Variants in KDM7A observed in about 807,000 individuals in gnomAD.
KDM7A encodes lysine-specific demethylase 7A.
KDM7A carries 28 observed loss-of-function variants against 114.8 expected under a neutral mutation model. That is an observed-to-expected ratio of 0.24 (90% confidence interval 0.18 to 0.33). The LOEUF is 0.33. KDM7A is among the 10% of genes least tolerant of loss of function. KDM7A has a pLI of 1.00. For synonymous variants in KDM7A, 423 were observed against 397.8 expected (o/e 1.06, Z -0.75); for missense variants, 942 against 1,142.5 (o/e 0.82, Z 2.53).
At chr7:140,139,515 TAAATC>T (rs1326788770) in intron 1 of KDM7A, among the ~76,000 whole-genome samples, 1 of 152,104 alleles carries the variant, frequency 6.6e-6, no homozygotes, top group Non-Finnish European at 1.5e-5. Context: ...AATCAAAAGA[TAAATC>T]ATATTAAAAT....
At position 140,100,663 on chromosome 7, in the gene KDM7A, T is replaced by TATATATATATATACAC. The variant is rs1818186460; in HGVS notation, c.1639-641_1639-640insGTGTATATATATATAT. 1.1e-3 allele frequency among the ~76,000 whole-genome samples: 43 copies of TATATATATATATACAC among 38,296 alleles called. 1 individual carries two copies. In the South Asian group the frequency reaches 0.012, roughly 11 times the overall value. 25.1% of individuals were successfully genotyped at this position (38,296 alleles called of 152,430 possible). ...CAATTTAAAATATTTTAAAAAGTTATATATATATATATATATACATATATA... is the reference window on the plus strand; with the variant it reads ...CAATTTAAAATATTTTAAAAAGTTATATATATATATATACACATATATATATATATATACATATATA... On this transcript the variant is annotated intron_variant, in intron 12 of 19. Coordinates refer to ENST00000397560, the MANE Select transcript of KDM7A (RefSeq NM_030647.2).
At position 140,135,861 on chromosome 7, in the gene KDM7A, G is replaced by A. The variant is rs1485052764; in HGVS notation, c.281-2205C>T. ...TCCTTACTAGTATTATATAAGAAGC[G>A]TATTTCATACCCCTGGGTTAACAAT... On this transcript the variant is annotated intron_variant, in intron 2 of 19. Coordinates refer to ENST00000397560, the MANE Select transcript of KDM7A (RefSeq NM_030647.2). Among the ~76,000 whole-genome samples the A allele has an allele frequency of 4.7e-4, 71 of 150,714 alleles. 1 individual carries two copies. Among genetic ancestry groups the A allele is most frequent in the Admixed American group, 4.4e-3 (66 of 15,132 alleles).
chr7:140,125,384 A>G (rs1231461359), intron 6 of KDM7A, among the ~76,000 whole-genome samples: 3 of 152,226 alleles, frequency 2.0e-5, no homozygotes, highest in Admixed American at 1.3e-4. Flanking sequence ...TAACCAACAC[A>G]GTAGCCATTA....
At chr7:140,151,243 G>A (rs564230530) in intron 1 of KDM7A, among the ~76,000 whole-genome samples, 7 of 152,274 alleles carry the variant, frequency 4.6e-5, no homozygotes, top group South Asian at 2.1e-4. Flanking sequence ...TGGCTAGTGC[G>A]ACACCAAATT....
chr7:140,175,730 G>A (rs1794696221), intron 1 of KDM7A, among the ~76,000 whole-genome samples: 1 of 152,072 alleles, frequency 6.6e-6, no homozygotes, highest in South Asian at 2.1e-4. Flanking sequence ...CAAACCCGGA[G>A]CGCGGCGGCG....
chr7:140,090,989 T>C lies in KDM7A; in HGVS notation c.*105A>G. ...CATTCTGTTCTTCGGGCAGTGTTCT[T>C]ACTATACACACAAACTGCTCCAGGC... On this transcript the variant is annotated 3_prime_UTR_variant, in exon 20 of 20. Transcript: ENST00000397560. 1 of 780,460 alleles carries C rather than the reference T, an allele frequency of 1.3e-6. No homozygotes were observed. The highest frequency in any genetic ancestry group is 2.3e-6 in the Non-Finnish European group (1 of 441,868). The allele number at this position is 780,460 out of a possible 1,614,324, so 48.3% of individuals were successfully genotyped here.
intron 3 of KDM7A, among the ~76,000 whole-genome samples, 188 bp downstream of exon 3, chr7:140,133,351 T>C (rs1818820095): frequency 6.6e-6 from 1 of 152,250 alleles, no homozygotes; most frequent in South Asian, 2.1e-4. Context: ...ATATGCTTAC[T>C]TACTGCTATT....
rs1817953534 is a variant in KDM7A at position 140,087,721 on chromosome 7, T to C, written c.*3373A>G. On this transcript the variant is annotated 3_prime_UTR_variant, in exon 20 of 20. Transcript: ENST00000397560. ...AACTTCGACAAAAGCCCAGGTCTTC[T>C]GCTTCCTTGCATGCTACACCAAGTC... 2 of 152,242 alleles carry C rather than the reference T, an allele frequency of 1.3e-5. No individual in the cohort carries two copies. Among genetic ancestry groups the C allele is most frequent in the South Asian group, 4.1e-4 (2 of 4,832 alleles). 9.4% of individuals were successfully genotyped at this position (152,242 alleles called of 1,614,324 possible).
At chr7:140,128,643 T>C (rs934807005) in intron 4 of KDM7A, among the ~76,000 whole-genome samples, 2 of 152,198 alleles carry the variant, frequency 1.3e-5, no homozygotes, top group African/African-American at 2.4e-5. Context: ...GTTACAATAC[T>C]TAGTTAGATT....
chr7:140,167,950 A>G (rs1472220214), intron 1 of KDM7A, among the ~76,000 whole-genome samples: 1 of 151,554 alleles, frequency 6.6e-6, no homozygotes, highest in Non-Finnish European at 1.5e-5. Flanking sequence ...ATAGAATCAG[A>G]AAAAAAAATG....
At chr7:140,132,618 A>G (rs989457567) in intron 3 of KDM7A, among the ~76,000 whole-genome samples, 2 of 152,246 alleles carry the variant, frequency 1.3e-5, no homozygotes, top group Non-Finnish European at 2.9e-5. Context: ...ATAAAAAAGA[A>G]TATTTGCGAA....
chr7:140,091,100 A>C lies in KDM7A; in HGVS notation c.2820T>G (p.Phe940Leu), dbSNP rs911192581. 1.2e-6 allele frequency: 2 copies of C among 1,612,644 alleles called. No homozygotes were observed. The highest frequency in any genetic ancestry group is 1.7e-6 in the Non-Finnish European group (2 of 1,178,680). Reference sequence around the variant, plus strand: ...GGCTGCAACAGCAGCTCTGTCACACAAAGAAACGTGCATGGCCATTTCTGT... The same window carrying C: ...GGCTGCAACAGCAGCTCTGTCACACCAAGAAACGTGCATGGCCATTTCTGT... Reference protein sequence around the residue: ...KLNRNGHARFFV With the variant: ...KLNRNGHARFLV The change falls in exon 20 of 20, where the codon TTT (phenylalanine) becomes TTG (leucine). Residue 940 changes from phenylalanine to leucine, a missense_variant. By Grantham distance (22) the Phe-to-Leu change is conservative. This residue lies in a region of KDM7A where 512 missense variants were observed against 576.6 expected (regional missense o/e 0.89). Coordinates refer to ENST00000397560, the MANE Select transcript of KDM7A (RefSeq NM_030647.2).
rs756878349 is a variant in KDM7A, at chr7:140,091,107, C to T, written c.2813G>A (p.Arg938His). The stretch of plus-strand genomic sequence containing the variant: ...ACAGCAGCTCTGTCACACAAAGAAA[C>T]GTGCATGGCCATTTCTGTTCAACTT... ...ILKLNRNGHA[R>H]FFV The change falls in exon 20 of 20, where the codon CGT becomes CAT. Residue 938 changes from arginine to histidine, a missense_variant. By Grantham distance (29) the Arg-to-His change is conservative. This residue lies in a region of KDM7A where 512 missense variants were observed against 576.6 expected (regional missense o/e 0.89). Transcript: ENST00000397560. 7 of 1,612,632 alleles carry T rather than the reference C, an allele frequency of 4.3e-6. No homozygotes were observed. The Admixed American group carries it at 6.7e-5, about 15-fold the overall frequency.
intron 1 of KDM7A, among the ~76,000 whole-genome samples, chr7:140,164,153 A>G (rs533369129): frequency 6.6e-6 from 1 of 152,318 alleles, no homozygotes; most frequent in Admixed American, 6.5e-5. Flanking sequence ...CCAACTACCA[A>G]TTTATAGGAA....
intron 1 of KDM7A, among the ~76,000 whole-genome samples, chr7:140,145,510 G>C (rs902928936): frequency 6.6e-6 from 1 of 152,228 alleles, no homozygotes; most frequent in Non-Finnish European, 1.5e-5. Context: ...TGTGGAAACA[G>C]TGTGTGGCTA....
intron 9 of KDM7A, among the ~76,000 whole-genome samples, chr7:140,114,403 C>T (rs1457852677): frequency 6.6e-6 from 1 of 152,126 alleles, no homozygotes; most frequent in African/African-American, 2.4e-5. Context: ...CTCCTAACCG[C>T]GAGTGATCTG....
At position 140,100,078 on chromosome 7, in the gene KDM7A, G is replaced by A. The variant is rs1004348266; in HGVS notation, c.1639-55C>T. ...CATCCACCCTCAGGTAGCCCTGTTC[G>A]ACTGATGGAATACAGTATACCACCA... On this transcript the variant is annotated intron_variant, in intron 12 of 19. Coordinates refer to ENST00000397560, the MANE Select transcript of KDM7A (RefSeq NM_030647.2). The A allele has an allele frequency of 3.3e-5, 52 of 1,591,932 alleles. No individual in the cohort carries two copies. In the South Asian group the frequency reaches 4.0e-4, roughly 12 times the overall value.
chr7:140,100,717 T>C (rs1231912850), intron 12 of KDM7A, among the ~76,000 whole-genome samples: 27 of 53,272 alleles, frequency 5.1e-4, no homozygotes, highest in South Asian at 1.9e-3. Flanking sequence ...TACACATATA[T>C]ATATATATAT....
At chr7:140,092,127 G>GT (rs1562943354) in intron 18 of KDM7A, 50 bp from the exon 19 acceptor site, 1 of 1,557,538 alleles carries the variant, frequency 6.4e-7, no homozygotes, top group Non-Finnish European at 8.8e-7. Flanking sequence ...TTTAAATGAG[G>GT]TATTTAAGCT....
Sources: allele counts gnomAD v4.1 joint callset (sites outside exome capture counted in the v4.1 genomes callset), GRCh38; gene constraint gnomAD v4.1.1; regional missense constraint gnomAD v4.1.1; transcripts MANE v1.5; gene names NCBI Gene and HGNC (gene_info 2026-07-23, HGNC 2026-07-21).